Variants in COMMD1 observed in about 807,000 individuals in gnomAD.
COMMD1 encodes the protein copper metabolism domain containing 1.
A neutral mutation model predicts 17.2 loss-of-function variants in COMMD1; 10 were observed. That is an observed-to-expected ratio of 0.58 (90% CI 0.36 to 0.99). COMMD1 has a LOEUF of 0.99. Ranked by LOEUF, COMMD1 falls within the 50% of genes least tolerant of loss-of-function variation. The pLI, the probability that COMMD1 is intolerant of heterozygous loss-of-function variation, is 0.01. For missense variants in COMMD1, 270 were observed against 231.8 expected, an observed-to-expected ratio of 1.17 and a Z score of -1.07; for synonymous variants, 97 against 91.6, an observed-to-expected ratio of 1.06 and a Z score of -0.34.
Position 62,024,241 on chromosome 2 carries a change from G to A in COMMD1, c.462+23259G>A, listed in dbSNP as rs184139220. ...TTTGTTTTTGTTTTTTGTGGAGACA[G>A]GGTCTCCCTCTGTAACTCATGCTGG... On this transcript the variant is annotated intron_variant, in intron 2 of 2. Transcript: ENST00000311832. Among the ~76,000 whole-genome samples the A allele has an allele frequency of 1.7e-3, 261 of 152,202 alleles. 2 individuals carry two copies. Among genetic ancestry groups the A allele is most frequent in the African/African-American group, 5.1e-3 (210 of 41,536 alleles).
intron 2 of COMMD1, among the ~76,000 whole-genome samples, chr2:62,118,763 G>C (rs1404457295): frequency 6.6e-6 from 1 of 152,226 alleles, no homozygotes; most frequent in East Asian, 1.9e-4. Context: ...GCCAGATATG[G>C]CTTCTGCCAA....
At chr2:62,043,354 A>G (rs1434583439) in intron 2 of COMMD1, among the ~76,000 whole-genome samples, 2 of 152,022 alleles carry the variant, frequency 1.3e-5, no homozygotes, top group South Asian at 2.1e-4. Context: ...AGTTCTTTAC[A>G]TTTTTATTTT....
At chr2:61,999,649 G>A (rs1040265871) in intron 1 of COMMD1, among the ~76,000 whole-genome samples, 4 of 151,756 alleles carry the variant, frequency 2.6e-5, no homozygotes, top group African/African-American at 4.8e-5. Context: ...GGCTGGACTC[G>A]AACTCCTGGG....
At chr2:61,930,589 A>T (rs929367841) in intron 1 of COMMD1, among the ~76,000 whole-genome samples, 2 of 150,696 alleles carry the variant, frequency 1.3e-5, no homozygotes, top group Admixed American at 1.3e-4. Flanking sequence ...TGAGACTTCT[A>T]AGAGACTATT....
intron 2 of COMMD1, among the ~76,000 whole-genome samples, chr2:62,086,510 C>CAA (rs36086221): frequency 9.3e-5 from 11 of 117,826 alleles, no homozygotes; most frequent in East Asian, 2.5e-4. Flanking sequence ...GACTCCGTCT[C>CAA]AAAAAAAAAA....
At chr2:62,024,240 A>G (rs1669693868) in intron 2 of COMMD1, among the ~76,000 whole-genome samples, 1 of 152,108 alleles carries the variant, frequency 6.6e-6, no homozygotes, top group African/African-American at 2.4e-5. Context: ...TTGTGGAGAC[A>G]GGGTCTCCCT....
At chr2:62,054,641 G>T (rs906840867) in intron 2 of COMMD1, among the ~76,000 whole-genome samples, 4 of 152,112 alleles carry the variant, frequency 2.6e-5, no homozygotes, top group African/African-American at 7.2e-5. Flanking sequence ...CTCATAAATA[G>T]GTGCTGAAAA....
chr2:62,062,234 G>GTT (rs59671101), intron 2 of COMMD1, among the ~76,000 whole-genome samples: 3 of 147,484 alleles, frequency 2.0e-5, no homozygotes, highest in African/African-American at 7.5e-5. Context: ...TTGTTTTTTT[G>GTT]TTTTTTTTTG....
At chr2:61,903,769 T>C (rs963678982), upstream of COMMD1, among the ~76,000 whole-genome samples, 37 of 152,014 alleles carry the variant, frequency 2.4e-4, no homozygotes, top group Admixed American at 2.2e-3. Context: ...CTCGATCTCC[T>C]GACCTCAGGT....
chr2:61,980,569 G>A (rs1286211528), intron 1 of COMMD1, among the ~76,000 whole-genome samples: 5 of 139,050 alleles, frequency 3.6e-5, no homozygotes, highest in Non-Finnish European at 6.1e-5. Flanking sequence ...GTCTGTTCAT[G>A]TCCTTCGCCC....
At chr2:62,027,659 G>GTTATGTTATGTTATGTTATGTTA in intron 2 of COMMD1, among the ~76,000 whole-genome samples, 1 of 43,554 alleles carries the variant, frequency 2.3e-5, no homozygotes, top group Admixed American at 2.1e-4. Context: ...ATGTTATGTT[G>GTTATGTTATGTTATGTTATGTTA]TGTTATGTTA....
intron 1 of COMMD1, among the ~76,000 whole-genome samples, chr2:61,908,142 A>T (rs1192004585): frequency 6.6e-6 from 1 of 152,112 alleles, no homozygotes; most frequent in East Asian, 1.9e-4. Flanking sequence ...TAGTCTGAGG[A>T]ACGAAGGGAT....
intron 2 of COMMD1, among the ~76,000 whole-genome samples, chr2:62,114,967 G>A (rs1279330820): frequency 6.6e-6 from 1 of 151,980 alleles, no homozygotes; most frequent in Non-Finnish European, 1.5e-5. Flanking sequence ...TTTTCCCTTT[G>A]GGAAAGTAAA....
At chr2:61,963,878 C>T (rs1475163666) in intron 1 of COMMD1, among the ~76,000 whole-genome samples, 1 of 152,212 alleles carries the variant, frequency 6.6e-6, no homozygotes, top group Non-Finnish European at 1.5e-5. Context: ...AAGTCTCTTT[C>T]TCTCAGTTGT....
chr2:61,972,227 A>T (rs1434485974), intron 1 of COMMD1, among the ~76,000 whole-genome samples: 4 of 152,240 alleles, frequency 2.6e-5, no homozygotes, highest in Non-Finnish European at 5.9e-5. Flanking sequence ...TCATTAAAGA[A>T]AATTTGGGGA....
intron 2 of COMMD1, among the ~76,000 whole-genome samples, chr2:62,015,582 T>C (rs1314651264): frequency 6.6e-6 from 1 of 152,184 alleles, no homozygotes; most frequent in Non-Finnish European, 1.5e-5. Context: ...TGTTTTAACT[T>C]TTTAAGGAAC....
chr2:62,119,475 CA>C lies in COMMD1; in HGVS notation c.463-16349del, dbSNP rs542893534. 2.6e-5 allele frequency among the ~76,000 whole-genome samples: 4 copies of C among 151,960 alleles called. No homozygotes were observed. The East Asian group carries it at 5.8e-4, about 22-fold the overall frequency. On this transcript the variant is annotated intron_variant, in intron 2 of 2. Coordinates refer to ENST00000311832, the MANE Select transcript of COMMD1 (RefSeq NM_152516.4). ...ACAACCCATACAACTCCACCCCAGC[CA>C]AAAAAACAAAATCCAAAACTTTTTT...
chr2:61,990,903 T>TACACACACACACACACACACACAC (rs34009777), intron 1 of COMMD1, among the ~76,000 whole-genome samples: 1 of 116,166 alleles, frequency 8.6e-6, no homozygotes, highest in African/African-American at 3.3e-5. Flanking sequence ...TATATATATA[T>TACACACACACACACACACACACAC]ACACACACAC....
At chr2:61,905,045 T>C (rs778262088), upstream of COMMD1, among the ~76,000 whole-genome samples, 42 of 152,344 alleles carry the variant, frequency 2.8e-4, no homozygotes, top group Admixed American at 9.8e-4. Flanking sequence ...AATATATTGA[T>C]TTTAAAAAAT....
Sources: allele counts gnomAD v4.1 joint callset (sites outside exome capture counted in the v4.1 genomes callset), GRCh38; gene constraint gnomAD v4.1.1; transcripts MANE v1.5; gene names NCBI Gene and HGNC (gene_info 2026-07-23, HGNC 2026-07-21).